IPCEF1: variants seen among roughly 807,000 people sequenced by gnomAD.
IPCEF1 encodes the protein interactor protein for cytohesin exchange factors 1.
A neutral mutation model predicts 50.9 loss-of-function variants in IPCEF1; 31 were observed. The ratio of observed to expected loss-of-function variants is 0.61; its 90% CI spans 0.46 to 0.82. The LOEUF (loss-of-function observed/expected upper bound fraction) is 0.82, where lower values mean the gene tolerates loss of function less well. Among genes scored for constraint, IPCEF1 ranks in the 40% least tolerant of loss-of-function variants. IPCEF1 has a pLI of 0.00. For missense variants in IPCEF1, 458 were observed against 514.0 expected (o/e 0.89, Z 1.05); for synonymous variants, 181 against 192.0 (o/e 0.94, Z 0.47).
chr6:154,354,415 A>ACCTCCACAACCACCTCCACCATCT (rs1784170036), intron 1 of IPCEF1, among the ~76,000 whole-genome samples: 6 of 46,724 alleles, frequency 1.3e-4, no homozygotes, highest in Admixed American at 2.3e-4. Flanking sequence ...CTCCACCACC[A>ACCTCCACAACCACCTCCACCATCT]CCTCCACCAC....
At chr6:154,345,982 C>T (rs1784021156) in intron 1 of IPCEF1, among the ~76,000 whole-genome samples, 1 of 152,168 alleles carries the variant, frequency 6.6e-6, no homozygotes, top group African/African-American at 2.4e-5. Flanking sequence ...CTTCCCGCTT[C>T]AGCCTCCCAA....
chr6:154,167,997 AT>A lies in IPCEF1; in HGVS notation c.1026del (p.Lys342AsnfsTer12), dbSNP rs764795870. The part of the protein sequence containing the change: ...RRPSTKKELR[K>X]SFVKRCKNPS... ...GGATTTTTACACCGCTTAACAAAGG[AT>A]TTTCTCAACTCCTTTTTAGTCGAAG... On this transcript the variant is annotated frameshift_variant, in exon 11 of 12. Coordinates refer to ENST00000367220, the MANE Select transcript of IPCEF1 (RefSeq NM_001130700.2). LOFTEE classifies it high-confidence loss of function. 1 of 1,611,678 alleles carries A rather than the reference AT, an allele frequency of 6.2e-7. No homozygotes were observed. The highest frequency in any genetic ancestry group is 1.7e-5 in the Admixed American group (1 of 59,960).
chr6:154,299,643 A>C (rs1782744181), intron 1 of IPCEF1, among the ~76,000 whole-genome samples: 1 of 140,686 alleles, frequency 7.1e-6, no homozygotes, highest in South Asian at 2.2e-4. Context: ...CAGCTAATGC[A>C]TGCTGGGCTT....
chr6:154,354,451 A>ACCTCCACCATCTCCTCCACCACCC (rs1784176168), intron 1 of IPCEF1, among the ~76,000 whole-genome samples: 2 of 142,498 alleles, frequency 1.4e-5, no homozygotes, highest in Admixed American at 6.9e-5. Context: ...CTCCACCACC[A>ACCTCCACCATCTCCTCCACCACCC]CCTCCACCAT....
chr6:154,260,973 GA>G (rs1480584015), intron 3 of IPCEF1, among the ~76,000 whole-genome samples: 1 of 152,144 alleles, frequency 6.6e-6, no homozygotes, highest in East Asian at 1.9e-4. Context: ...GAAGTCTGGG[GA>G]TAGTGCCAAA....
At chr6:154,274,665 C>A (rs1419673905) in intron 2 of IPCEF1, among the ~76,000 whole-genome samples, 1 of 152,168 alleles carries the variant, frequency 6.6e-6, no homozygotes, top group Non-Finnish European at 1.5e-5. Context: ...CTGTGGGACT[C>A]CTGAACCTGA....
At chr6:154,315,067 G>A (rs937021623) in intron 1 of IPCEF1, among the ~76,000 whole-genome samples, 1 of 152,074 alleles carries the variant, frequency 6.6e-6, no homozygotes, top group African/African-American at 2.4e-5. Flanking sequence ...ATTTTTAGTA[G>A]AGACAGGATT....
intron 5 of IPCEF1, among the ~76,000 whole-genome samples, chr6:154,229,735 G>A (rs1209776309): frequency 1.3e-5 from 2 of 152,174 alleles, no homozygotes; most frequent in Non-Finnish European, 2.9e-5. Context: ...TACCCAAGAG[G>A]AATGGATGCA....
chr6:154,158,017 C>G lies in IPCEF1; in HGVS notation c.*1811G>C, dbSNP rs779772804. ...CAAACTGACTGGCCTGGCCTCTTAT[C>G]TTAGAGAAGTTTCTAGCAGTACAAC... On this transcript the variant is annotated 3_prime_UTR_variant, in exon 12 of 12. Transcript: ENST00000367220. 1 of 152,218 alleles carries G rather than the reference C, an allele frequency of 6.6e-6. No homozygotes were observed. Among genetic ancestry groups the G allele is most frequent in the Non-Finnish European group, 1.5e-5 (1 of 68,042 alleles). The allele number at this position is 152,218 out of a possible 1,614,324, so 9.4% of individuals were successfully genotyped here. A position where few individuals can be genotyped will look rare whatever the true frequency, so the allele number is the denominator to read the frequency against.
chr6:154,319,350 C>T (rs1448432435), intron 1 of IPCEF1, among the ~76,000 whole-genome samples: 1 of 152,168 alleles, frequency 6.6e-6, no homozygotes, highest in Non-Finnish European at 1.5e-5. Context: ...AATATTTACA[C>T]ATATACATGG....
intron 1 of IPCEF1, among the ~76,000 whole-genome samples, chr6:154,338,258 C>T (rs5006100): frequency 3.3e-4 from 50 of 152,088 alleles, no homozygotes; most frequent in South Asian, 8.3e-4. Flanking sequence ...TGCCTTATAG[C>T]TAGGCTTTCT....
At chr6:154,201,886 C>G (rs1242406903) in intron 9 of IPCEF1, among the ~76,000 whole-genome samples, 1 of 152,096 alleles carries the variant, frequency 6.6e-6, no homozygotes, top group Non-Finnish European at 1.5e-5. Context: ...CAGAGTGAGG[C>G]TCCATCTCAA....
chr6:154,337,843 T>G (rs1476586661), intron 1 of IPCEF1, among the ~76,000 whole-genome samples: 1 of 152,120 alleles, frequency 6.6e-6, no homozygotes, highest in Admixed American at 6.5e-5. Flanking sequence ...AAGACTCGAG[T>G]AGAGGACTTC....
chr6:154,157,789 C>T lies in IPCEF1; in HGVS notation c.*2039G>A, dbSNP rs1434494318. 1 of 152,210 alleles carries T rather than the reference C, an allele frequency of 6.6e-6. No individual in the cohort carries two copies. The highest frequency in any genetic ancestry group is 2.4e-5 in the African/African-American group (1 of 41,446). The allele number at this position is 152,210 out of a possible 1,614,324, so 9.4% of individuals were successfully genotyped here. A position where few individuals can be genotyped will look rare whatever the true frequency, so the allele number is the denominator to read the frequency against. On this transcript the variant is annotated 3_prime_UTR_variant, in exon 12 of 12. Transcript: ENST00000367220. Reference sequence around the variant, plus strand: ...TTCAATACTCTTTACATTGCCAATCCTAAATAATTTCCCTTCTGGTATCTG... The same window carrying T: ...TTCAATACTCTTTACATTGCCAATCTTAAATAATTTCCCTTCTGGTATCTG...
chr6:154,254,254 A>G (rs1029555310), intron 3 of IPCEF1, among the ~76,000 whole-genome samples: 3 of 152,230 alleles, frequency 2.0e-5, no homozygotes, highest in South Asian at 2.1e-4. Flanking sequence ...TCACACTGCT[A>G]TAAACATACT....
chr6:154,184,650 A>G (rs560554425), intron 10 of IPCEF1, among the ~76,000 whole-genome samples: 1 of 152,184 alleles, frequency 6.6e-6, no homozygotes, highest in African/African-American at 2.4e-5. Flanking sequence ...CCTATAACAG[A>G]TATTACCAAT....
intron 11 of IPCEF1, among the ~76,000 whole-genome samples, chr6:154,166,796 A>C (rs1799471855): frequency 6.6e-6 from 1 of 152,142 alleles, no homozygotes; most frequent in African/African-American, 2.4e-5. Flanking sequence ...AAATCCCAAC[A>C]CGCTATGACA....
intron 2 of IPCEF1, among the ~76,000 whole-genome samples, chr6:154,284,993 C>G (rs539447576): frequency 3.9e-4 from 60 of 152,068 alleles, no homozygotes; most frequent in Middle Eastern, 3.4e-3. Flanking sequence ...GAGTGAGACT[C>G]CGACTCAAAA....
chr6:154,192,900 A>C (rs917784532), intron 10 of IPCEF1, among the ~76,000 whole-genome samples: 1 of 152,210 alleles, frequency 6.6e-6, no homozygotes, highest in African/African-American at 2.4e-5. Context: ...AACAGGGATC[A>C]CTTCTACACT....
Sources: gnomAD v4.1 joint callset for allele counts (sites outside exome capture counted in the v4.1 genomes callset) on GRCh38, gnomAD v4.1.1 for gene constraint, MANE v1.5 for transcripts, NCBI Gene and HGNC (gene_info 2026-07-23, HGNC 2026-07-21) for gene names.